Variants in CDH23 observed in about 807,000 individuals in gnomAD.
CDH23 encodes cadherin-23.
Under a neutral mutation model 317.1 loss-of-function variants are expected in CDH23, and 189 were observed. That is an observed-to-expected ratio of 0.60 (90% CI 0.53 to 0.67). CDH23 has a LOEUF of 0.67. Ranked by LOEUF, CDH23 falls within the 30% of genes least tolerant of loss-of-function variation. CDH23 has a pLI of 0.00. For missense variants in CDH23, 4,401 were observed against 4,592.4 expected (o/e 0.96, Z 1.20); for synonymous variants, 1,839 against 1,876.8 (o/e 0.98, Z 0.52).
chr10:71,587,462 G>A (rs538019649), intron 9 of CDH23, among the ~76,000 whole-genome samples: 25 of 152,304 alleles, frequency 1.6e-4, no homozygotes, highest in Non-Finnish European at 3.2e-4. Flanking sequence ...CACCACCCTC[G>A]TAGAGTTCAC....
intron 46 of CDH23, chr10:71,790,640 C>T: frequency 1.7e-6 from 1 of 583,038 alleles, no homozygotes; most frequent in East Asian, 3.0e-5. Flanking sequence ...TCTGTTGGTG[C>T]ACGAACTCTC....
At chr10:71,738,365 TG>T in intron 34 of CDH23, 132 bp from the exon 35 acceptor site, 1 of 1,023,184 alleles carries the variant, frequency 9.8e-7, no homozygotes, top group Non-Finnish European at 1.5e-6. Flanking sequence ...TAGGCTTCGG[TG>T]GGCTCTGAGG....
intron 6 of CDH23, among the ~76,000 whole-genome samples, chr10:71,542,732 G>T (rs1439052180): frequency 2.0e-5 from 3 of 152,254 alleles, no homozygotes; most frequent in African/African-American, 7.2e-5. Flanking sequence ...TGCCCTGAGG[G>T]AGAGAAGGCT....
At chr10:71,739,879 A>T in intron 36 of CDH23, 107 bp downstream of exon 36, 1 of 1,307,826 alleles carries the variant, frequency 7.6e-7, no homozygotes, top group South Asian at 1.5e-5. Context: ...TCTGGTGGTC[A>T]GTGCCCCTGC....
chr10:71,411,685 C>T (rs1848350924), intron 1 of CDH23, among the ~76,000 whole-genome samples: 1 of 152,090 alleles, frequency 6.6e-6, no homozygotes, highest in Non-Finnish European at 1.5e-5. Flanking sequence ...ATTCTGGTAT[C>T]AAGGAGAAAG....
At chr10:71,575,243 T>G (rs1452842267) in intron 8 of CDH23, among the ~76,000 whole-genome samples, 2 of 152,064 alleles carry the variant, frequency 1.3e-5, no homozygotes, top group Admixed American at 6.5e-5. Context: ...GGATGTGCAT[T>G]TTCTGGAAAG....
Position 71,679,285 on chromosome 10 carries a change from C to T in CDH23, c.1753-102C>T, listed in dbSNP as rs1204599382. On this transcript the variant is annotated intron_variant, in intron 16 of 69. Coordinates refer to ENST00000224721, the MANE Select transcript of CDH23 (RefSeq NM_022124.6). ...AGGGCTGGATCACCCAAAAAAGGAG[C>T]TGTGAACAGGGCCAGTCTTCCCCAC... The T allele has an allele frequency of 1.6e-5, 13 of 835,888 alleles. No homozygotes were observed. In the Middle Eastern group the frequency reaches 6.6e-4, roughly 42 times the overall value. 51.8% of individuals were successfully genotyped at this position (835,888 alleles called of 1,614,324 possible). A position where few individuals can be genotyped will look rare whatever the true frequency, so the allele number is the denominator to read the frequency against.
rs199668532 is a variant in CDH23 at position 71,807,741 on chromosome 10, G to A, written c.8534G>A (p.Arg2845His). The A allele has an allele frequency of 1.1e-4, 179 of 1,606,246 alleles. No homozygotes were observed. The highest frequency in any genetic ancestry group is 1.6e-4 in the Middle Eastern group (1 of 6,074). The change falls in exon 59 of 70, where the codon CGC becomes CAC. Residue 2845 changes from arginine (R) to histidine (H), a missense_variant. Arg to His is a conservative substitution (Grantham distance 29, BLOSUM62 0). Coordinates refer to ENST00000224721, the MANE Select transcript of CDH23 (RefSeq NM_022124.6). ...GAGGACATCAACGACCAGCCACCAC[G>A]CTTCACCAAGGCTGAGTACACTGCA... is the stretch of plus-strand genomic sequence containing the variant. ...VLEDINDQPP[R>H]FTKAEYTAGV...
At chr10:71,626,952 T>C (rs10999921) in intron 11 of CDH23, among the ~76,000 whole-genome samples, 2,850 of 152,152 alleles carry the variant, frequency 0.019, 189 homozygotes, top group East Asian at 0.17. Flanking sequence ...TGCAGAGAAG[T>C]GGGGGTCTTC....
intron 48 of CDH23, 129 bp downstream of exon 48, chr10:71,793,769 T>A: frequency 8.5e-6 from 6 of 706,646 alleles, no homozygotes; most frequent in Non-Finnish European, 1.1e-5. Context: ...CTCCCCCTCC[T>A]CTGGAGGGAA....
intron 32 of CDH23, among the ~76,000 whole-genome samples, chr10:71,733,493 A>G (rs1839458228): frequency 6.6e-6 from 1 of 152,222 alleles, no homozygotes; most frequent in South Asian, 2.1e-4. Flanking sequence ...GCCCCAACCG[A>G]GGACCCCACC....
chr10:71,811,797 G>C (rs1159579908), intron 65 of CDH23, 44 bp downstream of exon 65: 3 of 1,547,740 alleles, frequency 1.9e-6, no homozygotes, highest in East Asian at 4.9e-5. Context: ...AAGGCAGTGG[G>C]CTGGGGACCT....
intron 23 of CDH23, 60 bp from the exon 24 acceptor site, chr10:71,702,489 C>T (rs112435859): frequency 1.5e-4 from 243 of 1,598,166 alleles, no homozygotes; most frequent in Non-Finnish European, 1.9e-4. Context: ...TCTTCCTGTC[C>T]GTTTTCTCTT....
intron 38 of CDH23, among the ~76,000 whole-genome samples, chr10:71,762,575 T>A (rs1032299338): frequency 6.6e-6 from 1 of 152,246 alleles, no homozygotes; most frequent in Non-Finnish European, 1.5e-5. Context: ...GAGGCCTGCA[T>A]TCCCGACAGC....
intron 11 of CDH23, among the ~76,000 whole-genome samples, chr10:71,628,058 G>A (rs1295549946): frequency 6.6e-6 from 1 of 152,142 alleles, no homozygotes; most frequent in Non-Finnish European, 1.5e-5. Context: ...CCCTAACAGT[G>A]ACAGGTGTGT....
chr10:71,734,165 G>A (rs1839483229), intron 32 of CDH23, 75 bp from the exon 33 acceptor site: 2 of 1,227,392 alleles, frequency 1.6e-6, no homozygotes, highest in Non-Finnish European at 2.4e-6. Context: ...ACATGGAGGT[G>A]GAAAAGTGGG....
At chr10:71,664,060 C>T (rs1182196187) in intron 14 of CDH23, among the ~76,000 whole-genome samples, 1 of 151,890 alleles carries the variant, frequency 6.6e-6, no homozygotes, top group African/African-American at 2.4e-5. Flanking sequence ...AGTGCCAGGT[C>T]CACAGATGGC....
At chr10:71,442,375 G>T (rs192495445) in intron 2 of CDH23, among the ~76,000 whole-genome samples, 4 of 152,242 alleles carry the variant, frequency 2.6e-5, no homozygotes, top group African/African-American at 4.8e-5. Context: ...GGGAGAGTGG[G>T]TGACTGAACC....
At chr10:71,509,802 G>T in intron 3 of CDH23, 1 of 431,968 alleles carries the variant, frequency 2.3e-6, no homozygotes, top group Non-Finnish European at 4.2e-6. Context: ...CAGAGAAAGG[G>T]GGGCAGGCAG....
Sources: allele counts gnomAD v4.1 joint callset (sites outside exome capture counted in the v4.1 genomes callset), GRCh38; gene constraint gnomAD v4.1.1; transcripts MANE v1.5; gene names NCBI Gene and HGNC (gene_info 2026-07-23, HGNC 2026-07-21).